KAT6B: variants seen among roughly 807,000 people sequenced by gnomAD.
KAT6B encodes the protein lysine acetyltransferase 6B.
A neutral mutation model predicts 187.5 loss-of-function variants in KAT6B; 10 were observed. The observed-to-expected ratio is 0.05, with a 90% CI of 0.03 to 0.09. KAT6B has a LOEUF of 0.09. KAT6B is among the 10% of genes least tolerant of loss of function. KAT6B has a pLI of 1.00. For synonymous variants in KAT6B, 861 were observed against 926.8 expected (o/e 0.93, Z 1.29); for missense variants, 1,952 against 2,558.9 (o/e 0.76, Z 5.12).
chr10:75,018,327 A>T (rs1845137050), intron 13 of KAT6B, among the ~76,000 whole-genome samples: 1 of 152,214 alleles, frequency 6.6e-6, no homozygotes, highest in African/African-American at 2.4e-5. Context: ...CGTGACTATC[A>T]GTCATAGCCT....
intron 2 of KAT6B, among the ~76,000 whole-genome samples, chr10:74,839,672 T>C (rs1841586048): frequency 6.6e-6 from 1 of 152,234 alleles, no homozygotes; most frequent in Admixed American, 6.5e-5. Flanking sequence ...TTAGTTGTGA[T>C]TCATCCTGAA....
chr10:74,969,890 T>C, intron 5 of KAT6B, 115 bp downstream of exon 5: 2 of 967,234 alleles, frequency 2.1e-6, no homozygotes, highest in Non-Finnish European at 3.3e-6. Context: ...ATACACATGA[T>C]GTCAAACTGC....
intron 3 of KAT6B, among the ~76,000 whole-genome samples, chr10:74,868,842 C>A (rs1472912102): frequency 5.9e-5 from 9 of 152,154 alleles, no homozygotes; most frequent in African/African-American, 2.2e-4. Context: ...GATACAGCAG[C>A]CTCCCAGGGA....
chr10:74,880,698 C>T (rs988216573), intron 3 of KAT6B, among the ~76,000 whole-genome samples: 1 of 152,214 alleles, frequency 6.6e-6, no homozygotes, highest in African/African-American at 2.4e-5. Flanking sequence ...TCACTGCAAC[C>T]TCCACCTCCC....
chr10:74,869,160 G>A (rs890500020), intron 3 of KAT6B, among the ~76,000 whole-genome samples: 21 of 151,900 alleles, frequency 1.4e-4, no homozygotes, highest in Admixed American at 9.8e-4. Context: ...TAATACAACC[G>A]TTTTGTTTTT....
At chr10:74,994,629 A>C (rs1398784779) in intron 13 of KAT6B, among the ~76,000 whole-genome samples, 3 of 151,902 alleles carry the variant, frequency 2.0e-5, no homozygotes, top group South Asian at 4.2e-4. Context: ...CAAAAAAAAA[A>C]CACAAAAATG....
At chr10:74,828,082 C>G (rs1337205258) in intron 1 of KAT6B, among the ~76,000 whole-genome samples, 1 of 152,142 alleles carries the variant, frequency 6.6e-6, no homozygotes, top group Non-Finnish European at 1.5e-5. Context: ...TTTGAATTTG[C>G]TAGTACTTTG....
At chr10:74,883,895 C>G (rs1845046969) in intron 3 of KAT6B, among the ~76,000 whole-genome samples, 1 of 152,182 alleles carries the variant, frequency 6.6e-6, no homozygotes, top group African/African-American at 2.4e-5. Context: ...GGTGCTGAAG[C>G]TGTGCTTTCC....
rs1274275885 is a variant in KAT6B at position 74,953,180 on chromosome 10, T to G, written c.622-6790T>G. 2.0e-5 allele frequency among the ~76,000 whole-genome samples: 3 copies of G among 152,090 alleles called. No homozygotes were observed. In the East Asian group the frequency reaches 5.8e-4, roughly 29 times the overall value. ...CTACTCTGTTCCTGTACTCCCTGAT[T>G]AATTCATTCTTTAAAAAAATCCTCT... is the stretch of plus-strand genomic sequence containing the variant. On this transcript the variant is annotated intron_variant, in intron 3 of 17. Transcript: ENST00000287239.
intron 13 of KAT6B, 137 bp from the exon 14 acceptor site, chr10:75,020,445 G>A (rs1252247565): frequency 4.3e-6 from 3 of 691,276 alleles, no homozygotes; most frequent in Non-Finnish European, 7.8e-6. Flanking sequence ...CTGGGAAGAG[G>A]CTACATTCCT....
intron 3 of KAT6B, among the ~76,000 whole-genome samples, chr10:74,867,788 G>T (rs1435581270): frequency 6.6e-6 from 1 of 152,136 alleles, no homozygotes; most frequent in East Asian, 1.9e-4. Flanking sequence ...CATGTGGCTT[G>T]GTTTGGGTTT....
In KAT6B at chr10:74,918,668, G is replaced by A. The variant is rs145068621; in HGVS notation, c.622-41302G>A. Among the ~76,000 whole-genome samples the A allele has an allele frequency of 5.3e-5, 8 of 151,900 alleles. No homozygotes were observed. In the East Asian group the frequency reaches 5.9e-4, roughly 11 times the overall value. ...TGAGGCAGGAAAATTGCTTGAACCCGGGAGGCAGAGGTTGCAGTGAGCTGA... is the reference window on the plus strand; with the variant it reads ...TGAGGCAGGAAAATTGCTTGAACCCAGGAGGCAGAGGTTGCAGTGAGCTGA... On this transcript the variant is annotated intron_variant, in intron 3 of 17. Coordinates refer to ENST00000287239, the MANE Select transcript of KAT6B (RefSeq NM_012330.4).
chr10:74,845,553 A>G (rs1283222753), intron 3 of KAT6B, among the ~76,000 whole-genome samples: 1 of 150,278 alleles, frequency 6.7e-6, no homozygotes, highest in African/African-American at 2.4e-5. Flanking sequence ...AAAAAAAAGA[A>G]GGAAAGAAAT....
chr10:74,861,373 A>G (rs1375844607), intron 3 of KAT6B, among the ~76,000 whole-genome samples: 1 of 152,256 alleles, frequency 6.6e-6, no homozygotes, highest in Non-Finnish European at 1.5e-5. Context: ...TGGAGTGATC[A>G]TCACTTTTAG....
intron 3 of KAT6B, among the ~76,000 whole-genome samples, chr10:74,911,272 C>CTT (rs766011853): frequency 1.2e-4 from 17 of 137,666 alleles, no homozygotes; most frequent in East Asian, 4.2e-4. Flanking sequence ...CTTTCTTTTT[C>CTT]TTTTTTTTTT....
intron 3 of KAT6B, among the ~76,000 whole-genome samples, chr10:74,851,594 G>C (rs1007483736): frequency 1.3e-5 from 2 of 152,092 alleles, no homozygotes; most frequent in African/African-American, 4.8e-5. Context: ...GCCTCCCAAA[G>C]TGCTGGGATT....
Position 75,029,340 on chromosome 10 carries a change from C to T in KAT6B, c.4516C>T (p.Pro1506Ser). The T allele has an allele frequency of 6.2e-7, 1 of 1,614,018 alleles. No homozygotes were observed. The highest frequency in any genetic ancestry group is 8.5e-7 in the Non-Finnish European group (1 of 1,180,024). The part of the protein sequence containing the change: ...PEAVPESDEE[P>S]PPGEQAQKQD... Reference sequence around the variant, plus strand: ...AGCTGTACCCGAATCTGACGAGGAGCCACCCCCAGGAGAACAGGCACAGAA... The same window carrying T: ...AGCTGTACCCGAATCTGACGAGGAGTCACCCCCAGGAGAACAGGCACAGAA... The change falls in exon 18 of 18, where the codon CCA becomes TCA. Residue 1506 changes from proline (P) to serine (S), a missense_variant. Around this residue, in one of 9 missense-constraint regions of KAT6B, gnomAD observed 758 missense variants for 891.4 expected, o/e 0.85. Transcript: ENST00000287239. The surrounding 1 kb of genome is among the most constrained non-coding windows in gnomAD (Gnocchi z 6.2).
At chr10:74,978,032 A>T (rs1842272518) in intron 9 of KAT6B, among the ~76,000 whole-genome samples, 1 of 152,194 alleles carries the variant, frequency 6.6e-6, no homozygotes, top group African/African-American at 2.4e-5. Context: ...ATCTAATATG[A>T]ATTGTGAATT....
rs1192421093 is a variant in KAT6B at position 75,028,475 on chromosome 10, G to A, written c.3665-14G>A. On this transcript the variant is annotated splice_polypyrimidine_tract_variant and intron_variant, in intron 17 of 17. Transcript: ENST00000287239. ...ACTGTTTTTTTTCCTTCCCGTTTTT[G>A]TCTCTTCACTAAGACAATATGAATG... 9 of 1,613,036 alleles carry A rather than the reference G, an allele frequency of 5.6e-6. No individual in the cohort carries two copies. Among genetic ancestry groups the A allele is most frequent in the African/African-American group, 2.7e-5 (2 of 74,826 alleles).
Sources: allele counts gnomAD v4.1 joint callset (sites outside exome capture counted in the v4.1 genomes callset), GRCh38; gene constraint gnomAD v4.1.1; regional missense constraint gnomAD v4.1.1; non-coding constraint Gnocchi (gnomAD v3.1); transcripts MANE v1.5; gene names NCBI Gene and HGNC (gene_info 2026-07-23, HGNC 2026-07-21).